FBN1: variants seen among roughly 807,000 people sequenced by gnomAD.
FBN1 encodes the protein fibrillin-1.
A neutral mutation model predicts 365.1 loss-of-function variants in FBN1; 29 were observed. That is an observed-to-expected ratio of 0.08 (90% CI 0.06 to 0.11). The LOEUF (loss-of-function observed/expected upper bound fraction) is 0.11. Ranked by LOEUF, FBN1 falls within the 10% of genes least tolerant of loss-of-function variation. FBN1 has a pLI of 1.00. For missense variants in FBN1, 2,476 were observed against 3,703.2 expected (o/e 0.67, Z 8.60); for synonymous variants, 1,210 against 1,270.5 (o/e 0.95, Z 1.01).
intron 10 of FBN1, among the ~76,000 whole-genome samples, chr15:48,519,931 G>A (rs912825438): frequency 2.6e-5 from 4 of 152,124 alleles, no homozygotes; most frequent in South Asian, 4.2e-4. Context: ...CTCGACTAAC[G>A]AAAGTGTGCT....
chr15:48,444,474 T>C (rs2043138448), intron 49 of FBN1, 67 bp downstream of exon 49: 1 of 1,593,684 alleles, frequency 6.3e-7, no homozygotes, highest in African/African-American at 1.3e-5. Context: ...ATTACAAAAA[T>C]TCTCATTCTG....
Position 48,410,463 on chromosome 15 carries a change from T to G in FBN1, c.*527A>C, listed in dbSNP as rs968026887. ...CTGAGATAAGCTACTGAACTAACTT[T>G]GGTTGATTGAAATTAATGAAGTATT... On this transcript the variant is annotated 3_prime_UTR_variant, in exon 66 of 66. Coordinates refer to ENST00000316623, the MANE Select transcript of FBN1 (RefSeq NM_000138.5). 1.3e-5 allele frequency: 2 copies of G among 158,430 alleles called. No individual in the cohort carries two copies. Among genetic ancestry groups the G allele is most frequent in the African/African-American group, 4.8e-5 (2 of 41,476 alleles). 9.8% of individuals were successfully genotyped at this position (158,430 alleles called of 1,614,324 possible). A position where few individuals can be genotyped will look rare whatever the true frequency, so the allele number is the denominator to read the frequency against.
intron 31 of FBN1, among the ~76,000 whole-genome samples, chr15:48,483,585 T>C (rs1259929500): frequency 6.6e-6 from 1 of 152,210 alleles, no homozygotes; most frequent in Admixed American, 6.5e-5. Flanking sequence ...GAAATGTCCA[T>C]CTGGAGCTGA....
At chr15:48,518,239 C>T (rs1241846874) in intron 10 of FBN1, among the ~76,000 whole-genome samples, 1 of 152,170 alleles carries the variant, frequency 6.6e-6, no homozygotes, top group Non-Finnish European at 1.5e-5. Context: ...CTGTACGTGC[C>T]ATATCCACCA....
chr15:48,602,548 T>C (rs1566935994), intron 4 of FBN1, among the ~76,000 whole-genome samples: 1 of 152,212 alleles, frequency 6.6e-6, no homozygotes, highest in Admixed American at 6.5e-5. Context: ...AAGTTGTCCA[T>C]TGTGTCCGAG....
At chr15:48,496,919 T>G (rs1318687013) in intron 19 of FBN1, among the ~76,000 whole-genome samples, 1 of 152,208 alleles carries the variant, frequency 6.6e-6, no homozygotes, top group Non-Finnish European at 1.5e-5. Context: ...GCTGCTTCTC[T>G]CTCAGTAAAA....
At chr15:48,500,443 C>T (rs958761856) in intron 17 of FBN1, among the ~76,000 whole-genome samples, 1 of 152,130 alleles carries the variant, frequency 6.6e-6, no homozygotes, top group Admixed American at 6.5e-5. Flanking sequence ...GGAAGCAGCC[C>T]TTTTCCTCTG....
At chr15:48,475,463 C>T (rs2043411536) in intron 32 of FBN1, among the ~76,000 whole-genome samples, 1 of 152,160 alleles carries the variant, frequency 6.6e-6, no homozygotes, top group African/African-American at 2.4e-5. Context: ...AAATATGTTA[C>T]AGAAAAGAAC....
At chr15:48,415,345 G>T (rs772705603) in intron 64 of FBN1, among the ~76,000 whole-genome samples, 191 bp downstream of exon 64, 1 of 152,196 alleles carries the variant, frequency 6.6e-6, no homozygotes, top group Non-Finnish European at 1.5e-5. Flanking sequence ...TTTGTTTGAC[G>T]TTTCCAGAAA....
intron 8 of FBN1, among the ~76,000 whole-genome samples, chr15:48,526,516 G>A (rs1005365547): frequency 6.6e-6 from 1 of 152,164 alleles, no homozygotes; most frequent in East Asian, 1.9e-4. Flanking sequence ...CCTGTGTACT[G>A]TTGTTTCACC....
chr15:48,494,324 G>A, intron 22 of FBN1, 70 bp from the exon 23 acceptor site: 1 of 1,160,560 alleles, frequency 8.6e-7, no homozygotes, highest in East Asian at 2.3e-5. Flanking sequence ...TTGCAGTTCT[G>A]ACATAGTGTA....
chr15:48,638,453 C>T (rs946960423), intron 2 of FBN1, among the ~76,000 whole-genome samples: 2 of 152,214 alleles, frequency 1.3e-5, no homozygotes, highest in Non-Finnish European at 2.9e-5. Context: ...GATTTTCCAA[C>T]TCTACCACTT....
intron 50 of FBN1, among the ~76,000 whole-genome samples, chr15:48,439,214 T>C (rs997091860): frequency 6.6e-6 from 1 of 152,224 alleles, no homozygotes; most frequent in East Asian, 1.9e-4. Context: ...GTAAATCAAA[T>C]TCAGGTAGCC....
intron 6 of FBN1, among the ~76,000 whole-genome samples, chr15:48,568,141 C>CAA (rs36008742): frequency 7.7e-4 from 61 of 78,998 alleles, no homozygotes; most frequent in Admixed American, 3.2e-3. Context: ...AGGAATCTAC[C>CAA]AAAAAAAAAA....
Position 48,448,867 on chromosome 15 carries a change from T to A in FBN1, c.5572A>T (p.Asn1858Tyr), listed in dbSNP as rs2043179549. ...ATGCACTGCCCATGACTGCATATAT[T>A]GGGGATTTCTTGACATTCATTACGA... ...NDRNECQEIP[N>Y]ICSHGQCIDT... Residue 1858 changes from asparagine (N) to tyrosine (Y), a missense_variant, in exon 46 of 66, where the codon AAT (asparagine) becomes TAT (tyrosine). Physicochemically the swap from Asn to Tyr is moderately radical, Grantham distance 143 (BLOSUM62 -2). This residue lies in a region of FBN1 where 1,780 missense variants were observed against 2,840.8 expected (regional missense o/e 0.63). Coordinates refer to ENST00000316623, the MANE Select transcript of FBN1 (RefSeq NM_000138.5). The A allele has an allele frequency of 6.2e-7, 1 of 1,612,362 alleles. No homozygotes were observed. Among genetic ancestry groups the A allele is most frequent in the Admixed American group, 1.7e-5 (1 of 59,958 alleles).
intron 53 of FBN1, among the ~76,000 whole-genome samples, chr15:48,436,499 T>C (rs2043072913): frequency 6.6e-6 from 1 of 152,178 alleles, no homozygotes; most frequent in Admixed American, 6.5e-5. Flanking sequence ...GAGCCATTAT[T>C]TGACATTTTA....
chr15:48,517,235 C>A (rs2043812454), intron 10 of FBN1, among the ~76,000 whole-genome samples: 1 of 152,154 alleles, frequency 6.6e-6, no homozygotes, highest in South Asian at 2.1e-4. Context: ...TTAGACGAAT[C>A]AAGGCTAGAC....
intron 40 of FBN1, among the ~76,000 whole-genome samples, chr15:48,465,267 A>G (rs2043311201): frequency 6.6e-6 from 1 of 152,234 alleles, no homozygotes; most frequent in South Asian, 2.1e-4. Context: ...CATTCATGTA[A>G]AAAATGGCTT....
At chr15:48,578,916 T>G in intron 6 of FBN1, among the ~76,000 whole-genome samples, 6 of 137,704 alleles carry the variant, frequency 4.4e-5, no homozygotes, top group Admixed American at 1.5e-4. Context: ...AGATGACGAG[T>G]TAGTGGGTGC....
Sources: gnomAD v4.1 joint callset for allele counts (sites outside exome capture counted in the v4.1 genomes callset) on GRCh38, gnomAD v4.1.1 for gene constraint, gnomAD v4.1.1 regional missense constraint, MANE v1.5 for transcripts, NCBI Gene and HGNC (gene_info 2026-07-23, HGNC 2026-07-21) for gene names.